Variants in PPFIBP2 observed in about 807,000 individuals in gnomAD.
The protein encoded by PPFIBP2 is liprin-beta-2.
PPFIBP2 carries 118 observed loss-of-function variants against 118.3 expected under a neutral mutation model. That is an observed-to-expected ratio of 1.00 (90% CI 0.86 to 1.16). PPFIBP2 has a LOEUF of 1.16. Ranked by LOEUF, PPFIBP2 falls within the 50% of genes most tolerant of loss-of-function variation. PPFIBP2 has a pLI of 0.00. For missense variants in PPFIBP2, 1,195 were observed against 1,073.1 expected (o/e 1.11, Z -1.59); for synonymous variants, 414 against 397.4 (o/e 1.04, Z -0.50).
At chr11:7,594,809 C>G (rs532705303) in intron 4 of PPFIBP2, among the ~76,000 whole-genome samples, 3 of 149,762 alleles carry the variant, frequency 2.0e-5, no homozygotes, top group Non-Finnish European at 4.4e-5. Context: ...CCCAGCTACT[C>G]GGAAGGCTGA....
At chr11:7,571,231 C>A (rs887302446) in intron 3 of PPFIBP2, among the ~76,000 whole-genome samples, 1 of 152,154 alleles carries the variant, frequency 6.6e-6, no homozygotes, top group African/African-American at 2.4e-5. Flanking sequence ...AACAAAGAAA[C>A]CCAGACCCAG....
intron 8 of PPFIBP2, 95 bp from the exon 9 acceptor site, chr11:7,628,190 G>A: frequency 9.8e-7 from 1 of 1,020,326 alleles, no homozygotes; most frequent in Non-Finnish European, 1.5e-6. Flanking sequence ...TGTTCACATG[G>A]CAAGTCTTCA....
chr11:7,638,468 A>G (rs1345531283), intron 14 of PPFIBP2, among the ~76,000 whole-genome samples: 1 of 152,234 alleles, frequency 6.6e-6, no homozygotes, highest in Non-Finnish European at 1.5e-5. Flanking sequence ...TTAATAGTCA[A>G]TGTTCAATGA....
At chr11:7,539,906 T>G (rs557353436) in intron 1 of PPFIBP2, among the ~76,000 whole-genome samples, 30 of 152,230 alleles carry the variant, frequency 2.0e-4, no homozygotes, top group Non-Finnish European at 3.4e-4. Context: ...GAATTAAAAC[T>G]GCTGGGGTTG....
chr11:7,551,326 C>T (rs1253173409), intron 2 of PPFIBP2, among the ~76,000 whole-genome samples: 1 of 152,140 alleles, frequency 6.6e-6, no homozygotes, highest in African/African-American at 2.4e-5. Context: ...CCCTGGCAGA[C>T]CTCTTTGATG....
In PPFIBP2 at chr11:7,565,544, TCATTG is replaced by T; in HGVS notation, c.65-6_65-2del. On this transcript the variant is annotated splice_polypyrimidine_tract_variant and splice_region_variant and intron_variant, in intron 2 of 23. Transcript: ENST00000299492. ...TTCTTACTGAGTTTTCACCTCTCTCTCATTGCAGGCACTAAAACAGGTGCAGATCT... is the reference window on the plus strand; with the variant it reads ...TTCTTACTGAGTTTTCACCTCTCTCTCAGGCACTAAAACAGGTGCAGATCT... 6.2e-7 allele frequency: 1 copy of T among 1,614,146 alleles called. No individual in the cohort carries two copies. Among genetic ancestry groups the T allele is most frequent in the Non-Finnish European group, 8.5e-7 (1 of 1,179,960 alleles).
At chr11:7,554,658 T>C (rs559391193) in intron 2 of PPFIBP2, among the ~76,000 whole-genome samples, 1 of 152,136 alleles carries the variant, frequency 6.6e-6, no homozygotes, top group East Asian at 1.9e-4. Context: ...AGGTGGTCAA[T>C]GTTGGGAGGT....
At chr11:7,622,805 C>T (rs997716199) in intron 7 of PPFIBP2, among the ~76,000 whole-genome samples, 6 of 152,240 alleles carry the variant, frequency 3.9e-5, no homozygotes, top group Admixed American at 3.9e-4. Context: ...CAACACCCCA[C>T]TCAAACAAGC....
intron 7 of PPFIBP2, among the ~76,000 whole-genome samples, 159 bp from the exon 8 acceptor site, chr11:7,625,618 C>T (rs912791656): frequency 1.4e-4 from 21 of 152,238 alleles, no homozygotes; most frequent in African/African-American, 5.1e-4. Flanking sequence ...AGCAGAGTTC[C>T]ACCTGTGGAG....
chr11:7,545,458 A>G (rs1852227579), intron 1 of PPFIBP2, among the ~76,000 whole-genome samples: 1 of 152,198 alleles, frequency 6.6e-6, no homozygotes, highest in Admixed American at 6.5e-5. Context: ...AACAAAACAA[A>G]AAATCACATT....
At chr11:7,584,543 A>C (rs1239862985) in intron 3 of PPFIBP2, among the ~76,000 whole-genome samples, 1 of 152,238 alleles carries the variant, frequency 6.6e-6, no homozygotes, top group African/African-American at 2.4e-5. Context: ...TAGAAAAAGC[A>C]GAACTGGTCC....
At chr11:7,597,416 C>G (rs1439590609) in intron 4 of PPFIBP2, 144 bp from the exon 5 acceptor site, 6 of 1,538,230 alleles carry the variant, frequency 3.9e-6, no homozygotes, top group Non-Finnish European at 5.2e-6. Flanking sequence ...GACACTTCCT[C>G]CACCTGCCAC....
Position 7,531,654 on chromosome 11 carries a change from G to A in PPFIBP2, c.-37+17533G>A, listed in dbSNP as rs189056645. On this transcript the variant is annotated intron_variant, in intron 1 of 23. Transcript: ENST00000299492. ...TTCTTCCCATAACTTTCCCAGCTGCGTGTGTAGGATCAAATGGGGGTGTGT... is the reference window on the plus strand; with the variant it reads ...TTCTTCCCATAACTTTCCCAGCTGCATGTGTAGGATCAAATGGGGGTGTGT... Among the ~76,000 whole-genome samples the A allele has an allele frequency of 2.0e-4, 31 of 152,168 alleles. No homozygotes were observed. The East Asian group carries it at 2.5e-3, about 12-fold the overall frequency.
At chr11:7,564,544 A>AT (rs1251468961) in intron 2 of PPFIBP2, among the ~76,000 whole-genome samples, 1 of 152,256 alleles carries the variant, frequency 6.6e-6, no homozygotes, top group Non-Finnish European at 1.5e-5. Context: ...GAATACAGTA[A>AT]TTGTCATCTA....
chr11:7,565,480 C>A lies in PPFIBP2; in HGVS notation c.65-73C>A. On this transcript the variant is annotated intron_variant, in intron 2 of 23. Transcript: ENST00000299492. Reference sequence around the variant, plus strand: ...GTCCCTTTCACCGTTTCTTCACCACCTTTGCTCTTTACTAGTACCTTGCTC... The same window carrying A: ...GTCCCTTTCACCGTTTCTTCACCACATTTGCTCTTTACTAGTACCTTGCTC... 2.0e-6 allele frequency: 3 copies of A among 1,496,976 alleles called. No individual in the cohort carries two copies. In the South Asian group the frequency reaches 3.5e-5, roughly 17 times the overall value. The allele number at this position is 1,496,976 out of a possible 1,614,324, so 92.7% of individuals were successfully genotyped here.
At chr11:7,639,607 G>T in intron 14 of PPFIBP2, 125 bp from the exon 15 acceptor site, 1 of 1,192,562 alleles carries the variant, frequency 8.4e-7, no homozygotes, top group Non-Finnish European at 1.2e-6. Context: ...TCTTTGAGGG[G>T]TGTTCAAGTC....
rs772117897 is a variant in PPFIBP2 at position 7,649,175 on chromosome 11, G to A, written c.1938G>A (p.Gln646=). 9 of 1,613,974 alleles carry A rather than the reference G, an allele frequency of 5.6e-6. No individual in the cohort carries two copies. The highest frequency in any genetic ancestry group is 7.6e-6 in the Non-Finnish European group (9 of 1,179,984). ...GGCTTGATGATATTGGCTTACCCCA[G>A]TACAAAGACCAGTTTCATGAATCTA... ...TRWLDDIGLP[Q]YKDQFHESRV... The change falls in exon 20 of 24, where the codon CAG becomes CAA. Residue 646 remains glutamine (Q), a synonymous_variant. Coordinates refer to ENST00000299492, the MANE Select transcript of PPFIBP2 (RefSeq NM_003621.5).
At chr11:7,609,340 G>A (rs1847785158) in intron 5 of PPFIBP2, among the ~76,000 whole-genome samples, 1 of 152,164 alleles carries the variant, frequency 6.6e-6, no homozygotes, top group Non-Finnish European at 1.5e-5. Flanking sequence ...TTTCCTGGTT[G>A]CTGTGTCTAT....
intron 3 of PPFIBP2, among the ~76,000 whole-genome samples, chr11:7,567,743 G>A (rs538987376): frequency 6.6e-6 from 1 of 152,178 alleles, no homozygotes; most frequent in East Asian, 1.9e-4. Context: ...CTCATCAAGT[G>A]CTTTAGATTG....
Sources: allele counts gnomAD v4.1 joint callset (sites outside exome capture counted in the v4.1 genomes callset), GRCh38; gene constraint gnomAD v4.1.1; transcripts MANE v1.5; gene names NCBI Gene and HGNC (gene_info 2026-07-23, HGNC 2026-07-21).